Variants in ATP1B4 observed in about 807,000 individuals in gnomAD.
The protein encoded by ATP1B4 is ATPase Na+/K+ transporting family member beta 4.
ATP1B4 carries 32 observed loss-of-function variants against 29.6 expected under a neutral mutation model. The ratio of observed to expected loss-of-function variants is 1.08; its 90% CI spans 0.82 to 1.45. ATP1B4 has a LOEUF of 1.45. Ranked by LOEUF, ATP1B4 falls within the 40% of genes most tolerant of loss-of-function variation. ATP1B4 has a pLI of 0.00. For synonymous variants in ATP1B4, 127 were observed against 102.1 expected (o/e 1.24, Z -1.47); for missense variants, 323 against 276.2 (o/e 1.17, Z -1.20).
chrX:120,371,438 AG>A (rs945552561), intron 4 of ATP1B4, among the ~76,000 whole-genome samples: 2 of 112,059 alleles, frequency 1.8e-5, no homozygotes, highest in Non-Finnish European at 3.8e-5. Context: ...CAGCAAGATA[AG>A]CTCTTTGTGG....
At position 120,371,104 on chromosome X, in the gene ATP1B4, A is replaced by C; in HGVS notation, c.458-2A>C. 8.3e-7 allele frequency: 1 copy of C among 1,205,625 alleles called. No homozygotes were observed. The highest frequency in any genetic ancestry group is 1.8e-5 in the South Asian group (1 of 56,840). ...ATATCCAAGACCTGTTTTCATTGCC[A>C]GGAGTTATGATCAGACCCTTCGCCC... On this transcript the variant is annotated splice_acceptor_variant, in intron 3 of 7. Coordinates refer to ENST00000218008, the MANE Select transcript of ATP1B4 (RefSeq NM_001142447.3). LOFTEE classifies it high-confidence loss of function.
chrX:120,367,560 A>G (rs1193738408), intron 2 of ATP1B4, among the ~76,000 whole-genome samples: 1 of 111,833 alleles, frequency 8.9e-6, no homozygotes, highest in Non-Finnish European at 1.9e-5. Flanking sequence ...AGATTTAGCC[A>G]GTGGTAAAAT....
chrX:120,379,410 T>G (rs2058371782), intron 7 of ATP1B4, 63 bp from the exon 8 acceptor site: 2 of 1,042,339 alleles, frequency 1.9e-6, no homozygotes, highest in African/African-American at 3.8e-5. Context: ...CTGCAGTGAT[T>G]ATCTGATCAC....
chrX:120,370,155 A>G (rs1473655305), intron 2 of ATP1B4, among the ~76,000 whole-genome samples: 1 of 111,789 alleles, frequency 8.9e-6, no homozygotes, highest in Non-Finnish European at 1.9e-5. Context: ...AAGCAGAGCC[A>G]TTTTATTCAT....
intron 6 of ATP1B4, 73 bp from the exon 7 acceptor site, chrX:120,378,605 A>G (rs2058367587): frequency 2.3e-6 from 2 of 877,712 alleles, no homozygotes; most frequent in Admixed American, 4.4e-5. Context: ...TCACCTGGGT[A>G]CAACTCCCTT....
intron 4 of ATP1B4, among the ~76,000 whole-genome samples, 181 bp from the exon 5 acceptor site, chrX:120,375,191 G>A (rs917585256): frequency 2.9e-5 from 3 of 101,771 alleles, no homozygotes; most frequent in Non-Finnish European, 4.1e-5. Flanking sequence ...CTTCCTAGAG[G>A]GATGGCTGCC....
rs1376323243 is a variant in ATP1B4, at chrX:120,376,405, G to A, written c.785G>A (p.Gly262Glu). Residue 262 changes from glycine (G) to glutamate (E), a missense_variant, in exon 6 of 8, where the codon GGA (glycine) becomes GAA (glutamate). Coordinates refer to ENST00000218008, the MANE Select transcript of ATP1B4 (RefSeq NM_001142447.3). ...NRIVGFRPEL[G>E]DPVKVSCKVQ... ...ATTGTAGGCTTTCGTCCTGAGCTTG[G>A]AGATCCTGTGAAGGTTTCCTGCAAA... is the stretch of plus-strand genomic sequence containing the variant. The A allele has an allele frequency of 1.7e-6, 2 of 1,208,914 alleles. No homozygotes were observed. The highest frequency in any genetic ancestry group is 2.2e-5 in the Admixed American group (1 of 45,663).
intron 4 of ATP1B4, among the ~76,000 whole-genome samples, chrX:120,372,096 C>T (rs2058316345): frequency 1.8e-5 from 2 of 112,497 alleles, no homozygotes; most frequent in Admixed American, 1.9e-4. Context: ...GATAAGTTTT[C>T]AGGGGCAAAT....
At chrX:120,371,680 T>C (rs772001888) in intron 4 of ATP1B4, among the ~76,000 whole-genome samples, 1 of 111,764 alleles carries the variant, frequency 8.9e-6, no homozygotes, top group Non-Finnish European at 1.9e-5. Flanking sequence ...GCGTCTTTAT[T>C]TTATTTGAGA....
rs756219983 is a variant in ATP1B4, at chrX:120,362,232, G to T, written c.63+1G>T. The T allele has an allele frequency of 2.5e-6, 3 of 1,206,704 alleles. No homozygotes were observed. Among genetic ancestry groups the T allele is most frequent in the Non-Finnish European group, 2.2e-6 (2 of 892,565 alleles). On this transcript the variant is annotated splice_donor_variant, in intron 1 of 7. Coordinates refer to ENST00000218008, the MANE Select transcript of ATP1B4 (RefSeq NM_001142447.3). LOFTEE classifies it high-confidence loss of function. The stretch of plus-strand genomic sequence containing the variant: ...TCCTTACAGTTATCGCTACAGACTC[G>T]TGAGTGCCAGAGAGCAGAATATTTT...
At chrX:120,378,030 T>G (rs375908597) in intron 6 of ATP1B4, among the ~76,000 whole-genome samples, 1 of 89,722 alleles carries the variant, frequency 1.1e-5, no homozygotes, top group East Asian at 3.6e-4. Flanking sequence ...TGTAGATCTG[T>G]TTACTTTAAT....
At chrX:120,375,282 A>G in intron 4 of ATP1B4, 90 bp from the exon 5 acceptor site, 1 of 840,228 alleles carries the variant, frequency 1.2e-6, no homozygotes, top group African/African-American at 2.0e-5. Context: ...AGCTGGAGAA[A>G]GGAAACTTGG....
intron 6 of ATP1B4, among the ~76,000 whole-genome samples, 154 bp downstream of exon 6, chrX:120,376,590 C>T (rs757788827): frequency 1.8e-5 from 2 of 111,805 alleles, no homozygotes; most frequent in South Asian, 7.5e-4. Flanking sequence ...AGGTTTTCCT[C>T]TTTCCAGAAA....
rs777129503 is a variant in ATP1B4 at position 120,366,348 on chromosome X, T to C, written c.64-177T>C. On this transcript the variant is annotated intron_variant, in intron 1 of 7. Transcript: ENST00000218008. Reference sequence around the variant, plus strand: ...AATGGGTCATAGAAAGGATATTTCCTCCAAAAGAACTAGGGAGAAAGAAAA... The same window carrying C: ...AATGGGTCATAGAAAGGATATTTCCCCCAAAAGAACTAGGGAGAAAGAAAA... Among the ~76,000 whole-genome samples the C allele has an allele frequency of 3.6e-5, 4 of 111,923 alleles. No homozygotes were observed. The South Asian group carries it at 1.1e-3, about 31-fold the overall frequency.
In ATP1B4 at chrX:120,379,861, T is replaced by C. The variant is rs1202132241; in HGVS notation, c.*227T>C. 6.5e-6 allele frequency: 2 copies of C among 307,681 alleles called. No individual in the cohort carries two copies. Among genetic ancestry groups the C allele is most frequent in the Non-Finnish European group, 1.1e-5 (2 of 180,254 alleles). 25.4% of individuals were successfully genotyped at this position (307,681 alleles called of 1,213,427 possible). ...ACAAACAGAGTATATTAATTTCCTT[T>C]CCCTCCACTTAAAACTAAAGCCTGT... On this transcript the variant is annotated 3_prime_UTR_variant, in exon 8 of 8. Transcript: ENST00000218008.
At chrX:120,365,428 G>A (rs778973975) in intron 1 of ATP1B4, among the ~76,000 whole-genome samples, 13 of 112,244 alleles carry the variant, frequency 1.2e-4, no homozygotes, top group Non-Finnish European at 1.7e-4. Context: ...AACAAAGGCA[G>A]CATTTTTAGC....
chrX:120,368,338 T>C (rs2058296242), intron 2 of ATP1B4, among the ~76,000 whole-genome samples: 1 of 112,019 alleles, frequency 8.9e-6, no homozygotes, highest in Non-Finnish European at 1.9e-5. Flanking sequence ...CTTGCTGTCT[T>C]CTTTCCTGAG....
chrX:120,375,889 G>C (rs1422142638), intron 5 of ATP1B4, among the ~76,000 whole-genome samples: 1 of 110,635 alleles, frequency 9.0e-6, no homozygotes, highest in East Asian at 2.8e-4. Context: ...GGTTGCTTGA[G>C]CTTAGGAGTT....
At chrX:120,378,580 G>T (rs942358213) in intron 6 of ATP1B4, 98 bp from the exon 7 acceptor site, 10 of 717,873 alleles carry the variant, frequency 1.4e-5, no homozygotes, top group Admixed American at 2.3e-5. Flanking sequence ...GTTGGTTATG[G>T]TTCACACAGT....
Sources: allele counts gnomAD v4.1 joint callset (sites outside exome capture counted in the v4.1 genomes callset), GRCh38; gene constraint gnomAD v4.1.1; transcripts MANE v1.5; gene names NCBI Gene and HGNC (gene_info 2026-07-23, HGNC 2026-07-21).